The following SMARCD3 variants were observed in gnomAD, a reference collection of about 807,000 sequenced individuals.
The protein encoded by SMARCD3 is SWI/SNF related BAF chromatin remodeling complex subunit D3.
A neutral mutation model predicts 58.0 loss-of-function variants in SMARCD3; 14 were observed. The ratio of observed to expected loss-of-function variants is 0.24; its 90% CI spans 0.16 to 0.38. The LOEUF (loss-of-function observed/expected upper bound fraction) is 0.38. SMARCD3 is among the 10% of genes least tolerant of loss of function. The pLI is 1.00. For synonymous variants in SMARCD3, 253 were observed against 253.8 expected (o/e 1.00, Z 0.03); for missense variants, 408 against 636.9 (o/e 0.64, Z 3.87).
Position 151,245,602 on chromosome 7 carries a change from A to G in SMARCD3, c.148T>C (p.Tyr50His). 8.5e-7 allele frequency: 1 copy of G among 1,174,474 alleles called. No individual in the cohort carries two copies. The highest frequency in any genetic ancestry group is 1.1e-6 in the Non-Finnish European group (1 of 937,836). 72.8% of individuals were successfully genotyped at this position (1,174,474 alleles called of 1,614,324 possible). A position where few individuals can be genotyped will look rare whatever the true frequency, so the allele number is the denominator to read the frequency against. The change falls in exon 2 of 13, where the codon TAC (tyrosine) becomes CAC (histidine). Residue 50 changes from tyrosine (Y) to histidine (H), a missense_variant. Coordinates refer to ENST00000262188, the MANE Select transcript of SMARCD3 (RefSeq NM_001003801.2). The surrounding 1 kb of genome is among the most constrained non-coding windows in gnomAD (Gnocchi z 6.2). Reference sequence around the variant, plus strand: ...GGTCGCACGGCGGGGCTGCCCATGTACGGGGAGCCCGGGGGGCCCATGGGC... The same window carrying G: ...GGTCGCACGGCGGGGCTGCCCATGTGCGGGGAGCCCGGGGGGCCCATGGGC... ...GAPMGPPGSP[Y>H]MGSPAVRPGL...
chr7:151,248,333 G>T lies in SMARCD3; in HGVS notation c.78+152C>A. The T allele has an allele frequency of 1.6e-6, 1 of 639,334 alleles. No homozygotes were observed. Among genetic ancestry groups the T allele is most frequent in the South Asian group, 2.4e-5 (1 of 41,840 alleles). 39.6% of individuals were successfully genotyped at this position (639,334 alleles called of 1,614,324 possible). ...TGGCGACGTGTTCGGGTGCCAGGGC[G>T]CCAGCACAGTCCCGCGGCCGGGCCG... On this transcript the variant is annotated intron_variant, in intron 1 of 12. Coordinates refer to ENST00000262188, the MANE Select transcript of SMARCD3 (RefSeq NM_001003801.2). This position sits in a 1 kb window ranked among gnomAD's most constrained non-coding sequence, Gnocchi z 6.1.
chr7:151,249,701 T>C (rs1277493733), upstream of SMARCD3, among the ~76,000 whole-genome samples: 2 of 150,880 alleles, frequency 1.3e-5, no homozygotes, highest in East Asian at 4.0e-4. This position sits in a 1 kb window ranked among gnomAD's most constrained non-coding sequence, Gnocchi z 4.8. Context: ...GCAGCTGGGC[T>C]GGGTATAGTG....
At position 151,240,446 on chromosome 7, in the gene SMARCD3, A is replaced by G. The variant is rs1259324680; in HGVS notation, c.1016T>C (p.Ile339Thr). 6 of 1,613,750 alleles carry G rather than the reference A, an allele frequency of 3.7e-6. No individual in the cohort carries two copies. Among genetic ancestry groups the G allele is most frequent in the African/African-American group, 2.7e-5 (2 of 74,928 alleles). ...LTALLLPPDPIVINHVISVDP... is the reference protein window; with the variant it reads ...LTALLLPPDPTVINHVISVDP... ...TCACCTGATGACATGGTTGATGACA[A>G]TTGGGTCAGGGGGCAATAGCAGGGC... The change falls in exon 9 of 13, where the codon ATT (isoleucine) becomes ACT (threonine). Residue 339 changes from isoleucine to threonine, a missense_variant. By Grantham distance (89) the Ile-to-Thr change is moderately conservative. This residue lies in a region of SMARCD3 where 115 missense variants were observed against 257.2 expected (regional missense o/e 0.45). Coordinates refer to ENST00000262188, the MANE Select transcript of SMARCD3 (RefSeq NM_001003801.2).
upstream of SMARCD3, among the ~76,000 whole-genome samples, chr7:151,251,927 C>T (rs1480768811): frequency 2.7e-5 from 4 of 146,966 alleles, no homozygotes; most frequent in African/African-American, 9.8e-5. Context: ...CGGGCCGGCC[C>T]GGCCCGCGCC....
intron 2 of SMARCD3, among the ~76,000 whole-genome samples, chr7:151,264,817 G>A (rs1398887185): frequency 2.6e-5 from 4 of 152,316 alleles, no homozygotes; most frequent in South Asian, 2.1e-4. Context: ...TAGCTGGGAA[G>A]CTGGCATACT....
chr7:151,269,557 T>C (rs1319068641), intron 2 of SMARCD3, among the ~76,000 whole-genome samples: 2 of 152,082 alleles, frequency 1.3e-5, no homozygotes, highest in Non-Finnish European at 2.9e-5. Flanking sequence ...AAAGCTAAGA[T>C]AGCTCCATGT....
chr7:151,258,527 T>A (rs1439251651), intron 2 of SMARCD3, among the ~76,000 whole-genome samples: 2 of 142,246 alleles, frequency 1.4e-5, no homozygotes, highest in South Asian at 4.4e-4. Flanking sequence ...ATTTCGCCAC[T>A]GCACTCCAGC....
intron 2 of SMARCD3, among the ~76,000 whole-genome samples, chr7:151,265,857 C>T (rs1332462619): frequency 6.6e-6 from 1 of 152,180 alleles, no homozygotes; most frequent in Non-Finnish European, 1.5e-5. Context: ...CTTTAAGTCA[C>T]AGAGTACTGA....
intron 2 of SMARCD3, among the ~76,000 whole-genome samples, chr7:151,267,701 G>A (rs547013323): frequency 1.3e-5 from 2 of 152,348 alleles, no homozygotes; most frequent in South Asian, 2.1e-4. Flanking sequence ...AGCAGGCCAG[G>A]TGCAGTGGCC....
At chr7:151,267,074 G>T (rs545903072) in intron 2 of SMARCD3, among the ~76,000 whole-genome samples, 8 of 152,044 alleles carry the variant, frequency 5.3e-5, no homozygotes, top group Non-Finnish European at 1.2e-4. Context: ...CCCACTCCCC[G>T]TCCTGCCAAG....
intron 2 of SMARCD3, chr7:151,254,307 C>T (rs1483885069): frequency 6.6e-6 from 1 of 152,396 alleles, no homozygotes; most frequent in Non-Finnish European, 1.5e-5. Context: ...TCCCATCTCT[C>T]TACAGATGCT....
At chr7:151,271,290 G>A (rs952324297) in intron 2 of SMARCD3, among the ~76,000 whole-genome samples, 1 of 152,174 alleles carries the variant, frequency 6.6e-6, no homozygotes, top group African/African-American at 2.4e-5. Context: ...AGACGAGTCT[G>A]TTTTAGGACA....
Position 151,241,369 on chromosome 7 carries a change from G to A in SMARCD3, c.939+123C>T, listed in dbSNP as rs1014744783. ...GTCTCTTGGCTCCAAGACCATGACT[G>A]TGTACTGCTTCTGCTACTCAGGAAT... is the stretch of plus-strand genomic sequence containing the variant. On this transcript the variant is annotated intron_variant, in intron 8 of 12. Transcript: ENST00000262188. The surrounding 1 kb of genome is among the most constrained non-coding windows in gnomAD (Gnocchi z 5.3). 1.2e-5 allele frequency: 10 copies of A among 842,452 alleles called. No individual in the cohort carries two copies. Among genetic ancestry groups the A allele is most frequent in the Admixed American group, 2.0e-5 (1 of 50,120 alleles). 52.2% of individuals were successfully genotyped at this position (842,452 alleles called of 1,614,324 possible).
chr7:151,242,243 G>C lies in SMARCD3; in HGVS notation c.580-11C>G. On this transcript the variant is annotated splice_polypyrimidine_tract_variant and intron_variant, in intron 5 of 12. Coordinates refer to ENST00000262188, the MANE Select transcript of SMARCD3 (RefSeq NM_001003801.2). The surrounding 1 kb of genome is among the most constrained non-coding windows in gnomAD (Gnocchi z 4.7). Reference sequence around the variant, plus strand: ...CTTCTGTTTGCTGGGCTGTGGGAGAGCAACAGGGACCATGGGGGCAGAACA... The same window carrying C: ...CTTCTGTTTGCTGGGCTGTGGGAGACCAACAGGGACCATGGGGGCAGAACA... The C allele has an allele frequency of 6.2e-7, 1 of 1,607,870 alleles. No homozygotes were observed. Among genetic ancestry groups the C allele is most frequent in the Non-Finnish European group, 8.5e-7 (1 of 1,174,322 alleles).
rs752370030 is a variant in SMARCD3, at chr7:151,242,709, G to A, written c.456+12C>T. ...ACTCTAGAGTCCCCTTCCTACCCCCGAACTAAGGCACCTTCATGGGCCTCT... is the reference window on the plus strand; with the variant it reads ...ACTCTAGAGTCCCCTTCCTACCCCCAAACTAAGGCACCTTCATGGGCCTCT... On this transcript the variant is annotated intron_variant, in intron 4 of 12. Coordinates refer to ENST00000262188, the MANE Select transcript of SMARCD3 (RefSeq NM_001003801.2). The surrounding 1 kb of genome is among the most constrained non-coding windows in gnomAD (Gnocchi z 4.7). 2.3e-5 allele frequency: 37 copies of A among 1,613,480 alleles called. No individual in the cohort carries two copies. The highest frequency in any genetic ancestry group is 1.0e-4 in the Admixed American group (6 of 59,938).
chr7:151,253,557 A>G (rs1210552043), upstream of SMARCD3, among the ~76,000 whole-genome samples: 2 of 151,862 alleles, frequency 1.3e-5, no homozygotes, highest in Non-Finnish European at 2.9e-5. Flanking sequence ...ACCACACACA[A>G]CACAATAAAC....
Position 151,248,003 on chromosome 7 carries a change from G to T in SMARCD3, c.78+482C>A, listed in dbSNP as rs911000179. Among the ~76,000 whole-genome samples, 24 of 152,104 alleles carry T rather than the reference G, an allele frequency of 1.6e-4. No individual in the cohort carries two copies. Among genetic ancestry groups the T allele is most frequent in the African/African-American group, 7.2e-5 (3 of 41,418 alleles). On this transcript the variant is annotated intron_variant, in intron 1 of 12. Transcript: ENST00000262188. The surrounding 1 kb of genome is among the most constrained non-coding windows in gnomAD (Gnocchi z 6.1). ...CTGGGATGCAGAGGTGGCTCAGCCT[G>T]CGAGCTTCCCGCTACAGTGCCTCCA...
chr7:151,242,772 G>T lies in SMARCD3; in HGVS notation c.405C>A (p.Thr135=). ...LLAFERKLDQ[T]IMRKRVDIQE... ...GGATGTCCACCCGCTTCCGCATGAT[G>T]GTTTGATCCAGTTTCCTCTCAAATG... The change falls in exon 4 of 13, where the codon ACC becomes ACA. Residue 135 remains threonine (T), a synonymous_variant. Transcript: ENST00000262188. This position sits in a 1 kb window ranked among gnomAD's most constrained non-coding sequence, Gnocchi z 4.7. 1 of 1,614,152 alleles carries T rather than the reference G, an allele frequency of 6.2e-7. No individual in the cohort carries two copies. Among genetic ancestry groups the T allele is most frequent in the Non-Finnish European group, 8.5e-7 (1 of 1,180,012 alleles).
chr7:151,242,929 T>A lies in SMARCD3; in HGVS notation c.334-86A>T. ...GTATGCATGTTGTGCAATCCTAGGG[T>A]ACAAAAGATGTCAGGGGAGCCATCC... On this transcript the variant is annotated intron_variant, in intron 3 of 12. Transcript: ENST00000262188. The surrounding 1 kb of genome is among the most constrained non-coding windows in gnomAD (Gnocchi z 4.7). 6.6e-7 allele frequency: 1 copy of A among 1,517,508 alleles called. No homozygotes were observed. Among genetic ancestry groups the A allele is most frequent in the Non-Finnish European group, 8.9e-7 (1 of 1,121,378 alleles). The allele number at this position is 1,517,508 out of a possible 1,614,324, so 94.0% of individuals were successfully genotyped here.
Sources: allele counts gnomAD v4.1 joint callset (sites outside exome capture counted in the v4.1 genomes callset), GRCh38; gene constraint gnomAD v4.1.1; regional missense constraint gnomAD v4.1.1; non-coding constraint Gnocchi (gnomAD v3.1); transcripts MANE v1.5; gene names NCBI Gene and HGNC (gene_info 2026-07-23, HGNC 2026-07-21).